Variants in TMEM232 observed in about 807,000 individuals in gnomAD.
TMEM232 encodes transmembrane protein 232.
In TMEM232, 80 loss-of-function variants were observed where a neutral mutation model predicts 78.8. The ratio of observed to expected loss-of-function variants is 1.01; its 90% CI spans 0.85 to 1.22. TMEM232 has a LOEUF of 1.22. TMEM232 is among the 50% of genes most tolerant of loss of function. The pLI, the probability that TMEM232 is intolerant of heterozygous loss-of-function variation, is 0.00. For synonymous variants in TMEM232, 297 were observed against 254.3 expected (o/e 1.17, Z -1.60); for missense variants, 881 against 742.2 (o/e 1.19, Z -2.17).
At chr5:110,664,667 G>A (rs150020796) in intron 2 of TMEM232, among the ~76,000 whole-genome samples, 44 of 152,284 alleles carry the variant, frequency 2.9e-4, no homozygotes, top group African/African-American at 1.0e-3. Flanking sequence ...TCCAAGATAG[G>A]GTGCCAGCAT....
At chr5:110,498,980 G>T (rs747920086) in intron 12 of TMEM232, among the ~76,000 whole-genome samples, 1 of 152,016 alleles carries the variant, frequency 6.6e-6, no homozygotes, top group Non-Finnish European at 1.5e-5. Context: ...CATATGATAT[G>T]ATACAATAAT....
intron 12 of TMEM232, among the ~76,000 whole-genome samples, chr5:110,499,636 C>A (rs1766017656): frequency 1.6e-5 from 2 of 126,762 alleles, no homozygotes; most frequent in African/African-American, 4.7e-5. Context: ...CACCCCCCCC[C>A]ACACACACAC....
intron 1 of TMEM232, among the ~76,000 whole-genome samples, chr5:110,722,803 A>C (rs72773185): frequency 0.092 from 14,050 of 152,216 alleles, 755 homozygotes; most frequent in South Asian, 0.2. Flanking sequence ...AGTACTTTTT[A>C]TATGCTTGTT....
intron 12 of TMEM232, among the ~76,000 whole-genome samples, chr5:110,501,856 G>A (rs754043372): frequency 6.6e-6 from 1 of 152,154 alleles, no homozygotes; most frequent in Non-Finnish European, 1.5e-5. Flanking sequence ...GTGGGAAAGA[G>A]CTCTCCCATG....
At chr5:110,570,497 T>A (rs995191206) in intron 10 of TMEM232, among the ~76,000 whole-genome samples, 2 of 151,926 alleles carry the variant, frequency 1.3e-5, no homozygotes, top group African/African-American at 4.8e-5. Flanking sequence ...GTCATTGATA[T>A]AACAATCACA....
intron 8 of TMEM232, among the ~76,000 whole-genome samples, chr5:110,614,402 G>T (rs1193316154): frequency 1.3e-5 from 2 of 152,000 alleles, no homozygotes; most frequent in African/African-American, 4.8e-5. Flanking sequence ...TTTAAAATAA[G>T]AAGAGTTTTG....
rs190824855 is a variant in TMEM232, at chr5:110,644,643, A to G, written c.126-2272T>C. 4.9e-4 allele frequency among the ~76,000 whole-genome samples: 75 copies of G among 151,902 alleles called. 1 individual carries two copies. Among genetic ancestry groups the G allele is most frequent in the Non-Finnish European group, 9.4e-4 (64 of 67,766 alleles). The stretch of plus-strand genomic sequence containing the variant: ...TAATAACAGAAAAGCTTATAATAAT[A>G]AATACTCACATTACATGAAGAAATA... On this transcript the variant is annotated intron_variant, in intron 2 of 13. Transcript: ENST00000455884.
In TMEM232 at chr5:110,405,215, A is replaced by G. The variant is rs1175566005; in HGVS notation, n.309-7361T>C. 3.3e-5 allele frequency among the ~76,000 whole-genome samples: 5 copies of G among 152,274 alleles called. No individual in the cohort carries two copies. In the East Asian group the frequency reaches 9.7e-4, roughly 29 times the overall value. ...AGCAGGCTGATCACAGGTAAAGTCA[A>G]TGCTGTGATGTAGCACAGGCTCAAT... On this transcript the variant is annotated intron_variant and non_coding_transcript_variant, in intron 2 of 8. Transcript: ENST00000507188.
chr5:110,532,249 G>C (rs1771614738), intron 11 of TMEM232, among the ~76,000 whole-genome samples: 1 of 151,864 alleles, frequency 6.6e-6, no homozygotes, highest in Admixed American at 6.6e-5. Context: ...CAGAGCCCCT[G>C]GAACTCTGGC....
chr5:110,426,349 C>T (rs1328350052), intron 12 of TMEM232, among the ~76,000 whole-genome samples: 2 of 151,910 alleles, frequency 1.3e-5, no homozygotes, highest in Non-Finnish European at 2.9e-5. Context: ...GTTTGCTTAC[C>T]ATTGTTTCCT....
At position 110,638,178 on chromosome 5, in the gene TMEM232, A is replaced by C. The variant is rs1024288691; in HGVS notation, c.501+20T>G. On this transcript the variant is annotated intron_variant, in intron 5 of 13. Coordinates refer to ENST00000455884, the MANE Select transcript of TMEM232 (RefSeq NM_001039763.4). ...GTATGTGAAATATTTAAAAACATTA[A>C]GAAGTTTTTCAAAACATACCTTTGC... 57 of 1,516,752 alleles carry C rather than the reference A, an allele frequency of 3.8e-5. No individual in the cohort carries two copies. Among genetic ancestry groups the C allele is most frequent in the Non-Finnish European group, 4.9e-5 (55 of 1,126,280 alleles). The allele number at this position is 1,516,752 out of a possible 1,614,324, so 94.0% of individuals were successfully genotyped here.
chr5:110,457,733 T>C (rs1472215156), intron 12 of TMEM232, among the ~76,000 whole-genome samples: 3 of 152,056 alleles, frequency 2.0e-5, no homozygotes, highest in African/African-American at 7.2e-5. Context: ...TGCATTATGC[T>C]AAGAGAAGGA....
chr5:110,571,812 T>TA (rs541572138), intron 10 of TMEM232, among the ~76,000 whole-genome samples: 11 of 150,312 alleles, frequency 7.3e-5, no homozygotes, highest in South Asian at 4.2e-4. Flanking sequence ...GAGCTATGGT[T>TA]AAAAAAAAAT....
intron 2 of TMEM232, among the ~76,000 whole-genome samples, chr5:110,659,981 A>T (rs1789575098): frequency 2.6e-5 from 4 of 152,146 alleles, no homozygotes; most frequent in African/African-American, 9.6e-5. Flanking sequence ...GAGAAAAGAA[A>T]AAAAGGGGTT....
chr5:110,715,760 A>AC (rs35901413), intron 1 of TMEM232, among the ~76,000 whole-genome samples: 151,167 of 152,122 alleles, frequency 0.99, 75,120 homozygotes, highest in Non-Finnish European at 1. Flanking sequence ...GCCTCATTAT[A>AC]CCTCCTCCCT....
chr5:110,712,905 T>A (rs928324761), intron 1 of TMEM232, among the ~76,000 whole-genome samples: 3 of 152,150 alleles, frequency 2.0e-5, no homozygotes, highest in African/African-American at 7.2e-5. Flanking sequence ...ATATAACTGC[T>A]GTGTATATAC....
At position 110,667,302 on chromosome 5, in the gene TMEM232, T is replaced by C; in HGVS notation, c.51A>G (p.Ile17Met). ...KSPMINTCGG[I>M]SSPYHEELWK... ...AGAGCTCTTCATGATAAGGGGAAGATATGCCTCCACATGTATTAATCATAG... is the reference window on the plus strand; with the variant it reads ...AGAGCTCTTCATGATAAGGGGAAGACATGCCTCCACATGTATTAATCATAG... The change falls in exon 2 of 14, where the codon ATA (isoleucine) becomes ATG (methionine). Residue 17 changes from isoleucine to methionine, a missense_variant. Coordinates refer to ENST00000455884, the MANE Select transcript of TMEM232 (RefSeq NM_001039763.4). The C allele has an allele frequency of 6.5e-7, 1 of 1,543,154 alleles. No homozygotes were observed. Among genetic ancestry groups the C allele is most frequent in the Non-Finnish European group, 8.8e-7 (1 of 1,140,864 alleles).
At chr5:110,495,140 TA>T (rs1249242940) in intron 12 of TMEM232, among the ~76,000 whole-genome samples, 3 of 150,890 alleles carry the variant, frequency 2.0e-5, no homozygotes, top group Non-Finnish European at 4.4e-5. Context: ...TTATATAAAA[TA>T]AATAGAAGCC....
chr5:110,697,774 C>T (rs919392518), intron 1 of TMEM232, among the ~76,000 whole-genome samples: 7 of 152,200 alleles, frequency 4.6e-5, no homozygotes, highest in East Asian at 1.9e-4. Context: ...GTTAAAATGG[C>T]GATCATTAAA....
Sources: gnomAD v4.1 joint callset for allele counts (sites outside exome capture counted in the v4.1 genomes callset) on GRCh38, gnomAD v4.1.1 for gene constraint, MANE v1.5 for transcripts, NCBI Gene and HGNC (gene_info 2026-07-23, HGNC 2026-07-21) for gene names.